The following RFFL variants were observed in gnomAD, a reference collection of about 807,000 sequenced individuals.
RFFL encodes the protein E3 ubiquitin-protein ligase rififylin.
RFFL carries 16 observed loss-of-function variants against 40.4 expected under a neutral mutation model. The ratio of observed to expected loss-of-function variants is 0.40; its 90% CI spans 0.27 to 0.60. RFFL has a LOEUF of 0.60. RFFL is among the 20% of genes least tolerant of loss of function. The probability of loss-of-function intolerance (pLI) is 0.47; values close to 1 mark genes in which losing one functional copy is unlikely to be tolerated. For missense variants in RFFL, 367 were observed against 451.7 expected (o/e 0.81, Z 1.70); for synonymous variants, 154 against 167.9 (o/e 0.92, Z 0.64).
At position 35,049,873 on chromosome 17, in the gene RFFL, G is replaced by C. The variant is rs868307432; in HGVS notation, c.-9+13703C>G. Among the ~76,000 whole-genome samples, 11 of 152,286 alleles carry C rather than the reference G, an allele frequency of 7.2e-5. No homozygotes were observed. The South Asian group carries it at 1.2e-3, about 17-fold the overall frequency. Reference sequence around the variant, plus strand: ...GAGGTGGACTGATCACCTGAGGTCAGGAGTTTGAGACCAGCCTGGCCAACA... The same window carrying C: ...GAGGTGGACTGATCACCTGAGGTCACGAGTTTGAGACCAGCCTGGCCAACA... On this transcript the variant is annotated intron_variant, in intron 1 of 6. Transcript: ENST00000394597.
chr17:35,027,139 A>G (rs2091046454), intron 1 of RFFL, among the ~76,000 whole-genome samples: 1 of 152,090 alleles, frequency 6.6e-6, no homozygotes, highest in Non-Finnish European at 1.5e-5. Context: ...CAAACCTAAC[A>G]TCCTTTTCCC....
At chr17:35,029,258 T>C (rs2091065050) in intron 1 of RFFL, among the ~76,000 whole-genome samples, 1 of 151,582 alleles carries the variant, frequency 6.6e-6, no homozygotes, top group African/African-American at 2.4e-5. Flanking sequence ...ACAGAGTGTG[T>C]GTATGATAAA....
At chr17:35,024,423 T>C (rs2091028560) in intron 2 of RFFL, among the ~76,000 whole-genome samples, 1 of 152,082 alleles carries the variant, frequency 6.6e-6, no homozygotes, top group Non-Finnish European at 1.5e-5. Context: ...CATAACCTCA[T>C]CCTCCAACTG....
chr17:35,061,143 T>C (rs1433144737), intron 1 of RFFL, among the ~76,000 whole-genome samples: 1 of 152,162 alleles, frequency 6.6e-6, no homozygotes, highest in African/African-American at 2.4e-5. Context: ...TGAAAGCTTT[T>C]AGAAGTCAAG....
intron 1 of RFFL, among the ~76,000 whole-genome samples, chr17:35,044,115 A>G (rs762471091): frequency 6.6e-6 from 1 of 152,224 alleles, no homozygotes; most frequent in Non-Finnish European, 1.5e-5. Context: ...ATTTATTGAG[A>G]CAAGTCTCTG....
chr17:35,020,717 G>A (rs1443801097), intron 3 of RFFL, among the ~76,000 whole-genome samples: 2 of 151,922 alleles, frequency 1.3e-5, no homozygotes, highest in African/African-American at 2.4e-5. Flanking sequence ...CCTCTTCTGG[G>A]GGCTTTTTGA....
intron 1 of RFFL, among the ~76,000 whole-genome samples, chr17:35,049,135 A>T (rs918166023): frequency 6.6e-6 from 1 of 152,182 alleles, no homozygotes; most frequent in African/African-American, 2.4e-5. Context: ...AAGAGTCAAG[A>T]AAAAAGACAC....
At chr17:35,069,581 G>A (rs1230641496) in intron 1 of RFFL, 1 of 285,716 alleles carries the variant, frequency 3.5e-6, no homozygotes, top group Non-Finnish European at 7.0e-6. Flanking sequence ...CTAAGCAGCT[G>A]ATGAGTAGAC....
intron 1 of RFFL, among the ~76,000 whole-genome samples, chr17:35,042,061 G>A (rs988473384): frequency 1.3e-5 from 2 of 151,988 alleles, no homozygotes; most frequent in Non-Finnish European, 2.9e-5. Context: ...TGTTTCATAG[G>A]CATTACTGGC....
chr17:35,044,831 T>C (rs900837408), intron 1 of RFFL, among the ~76,000 whole-genome samples: 2 of 152,054 alleles, frequency 1.3e-5, no homozygotes, highest in African/African-American at 4.8e-5. Context: ...ATATCATTTA[T>C]TTCCTCAGGG....
At chr17:35,026,058 C>G (rs983569451) in intron 2 of RFFL, among the ~76,000 whole-genome samples, 3 of 152,166 alleles carry the variant, frequency 2.0e-5, no homozygotes, top group South Asian at 2.1e-4. Flanking sequence ...TTCCCACAAC[C>G]CTGAAAGATG....
chr17:35,010,176 G>A lies in RFFL; in HGVS notation c.*1792C>T, dbSNP rs529267706. 6 of 152,316 alleles carry A rather than the reference G, an allele frequency of 3.9e-5. No individual in the cohort carries two copies. Among genetic ancestry groups the A allele is most frequent in the African/African-American group, 1.4e-4 (6 of 41,570 alleles). The allele number at this position is 152,316 out of a possible 1,614,324, so 9.4% of individuals were successfully genotyped here. A position where few individuals can be genotyped will look rare whatever the true frequency, so the allele number is the denominator to read the frequency against. ...TGTACCAATGTAATAAGTCCCTTTA[G>A]AGGTTTCCCTCTGCCATCCAGAGTC... On this transcript the variant is annotated 3_prime_UTR_variant, in exon 7 of 7. Transcript: ENST00000394597.
chr17:35,043,156 TG>T (rs1369430893), intron 1 of RFFL, among the ~76,000 whole-genome samples: 2 of 152,004 alleles, frequency 1.3e-5, no homozygotes, highest in African/African-American at 4.8e-5. Flanking sequence ...GAGAGAAAGG[TG>T]GGGGGAAAAA....
chr17:35,030,345 C>T (rs1397299407), intron 1 of RFFL, among the ~76,000 whole-genome samples: 3 of 150,650 alleles, frequency 2.0e-5, no homozygotes, highest in Admixed American at 2.0e-4. Context: ...ACATCCTCTC[C>T]AGCACCTGTT....
At chr17:35,066,997 C>T (rs2091323872), upstream of RFFL, among the ~76,000 whole-genome samples, 1 of 151,570 alleles carries the variant, frequency 6.6e-6, no homozygotes, top group African/African-American at 2.4e-5. Flanking sequence ...TGATACTCAA[C>T]AATTAACTCT....
In RFFL at chr17:35,007,255, T is replaced by C. The variant is rs921127549; in HGVS notation, c.*4713A>G. The C allele has an allele frequency of 6.6e-6, 1 of 152,298 alleles. No individual in the cohort carries two copies. Among genetic ancestry groups the C allele is most frequent in the Non-Finnish European group, 1.5e-5 (1 of 68,076 alleles). 9.4% of individuals were successfully genotyped at this position (152,298 alleles called of 1,614,324 possible). ...GGCTGCAGGTGATCATCTTGTCCCTTCTCTGCCTTAGTGTGTGTTATTGCC... is the reference window on the plus strand; with the variant it reads ...GGCTGCAGGTGATCATCTTGTCCCTCCTCTGCCTTAGTGTGTGTTATTGCC... On this transcript the variant is annotated 3_prime_UTR_variant, in exon 7 of 7. Coordinates refer to ENST00000394597, the MANE Select transcript of RFFL (RefSeq NM_001017368.2).
chr17:35,021,342 A>G, intron 3 of RFFL, 29 bp downstream of exon 3: 2 of 1,513,366 alleles, frequency 1.3e-6, no homozygotes, highest in African/African-American at 2.8e-5. Context: ...ACTGGCACAG[A>G]CTGGCAGAGA....
chr17:35,057,878 A>G (rs1046564739), intron 1 of RFFL, among the ~76,000 whole-genome samples: 6 of 151,998 alleles, frequency 3.9e-5, no homozygotes, highest in African/African-American at 1.5e-4. Flanking sequence ...TTCATTCAAC[A>G]AGTACTTACT....
intron 6 of RFFL, among the ~76,000 whole-genome samples, chr17:35,013,273 G>C (rs2090952089): frequency 6.6e-6 from 1 of 152,266 alleles, no homozygotes; most frequent in African/African-American, 2.4e-5. Context: ...TGCCCTAAGA[G>C]TAGAAACTAT....
Sources: allele counts gnomAD v4.1 joint callset (sites outside exome capture counted in the v4.1 genomes callset), GRCh38; gene constraint gnomAD v4.1.1; transcripts MANE v1.5; gene names NCBI Gene and HGNC (gene_info 2026-07-23, HGNC 2026-07-21).